The following NRG1 variants were observed in gnomAD, a reference collection of about 807,000 sequenced individuals.
NRG1 encodes pro-neuregulin-1, membrane-bound isoform.
Under a neutral mutation model 63.8 loss-of-function variants are expected in NRG1, and 18 were observed. The observed-to-expected ratio is 0.28, with a 90% CI of 0.19 to 0.42. NRG1 has a LOEUF of 0.42. Ranked by LOEUF, NRG1 falls within the 10% of genes least tolerant of loss-of-function variation. NRG1 has a pLI of 1.00. For synonymous variants in NRG1, 302 were observed against 301.3 expected, an observed-to-expected ratio of 1.00 and a Z score of -0.02; for missense variants, 762 against 814.7, an observed-to-expected ratio of 0.94 and a Z score of 0.79.
intron 1 of NRG1, chr8:32,139,318 G>C: frequency 6.6e-6 from 1 of 152,180 alleles, no homozygotes; most frequent in East Asian, 1.9e-4. Context: ...TGGGGGAGAA[G>C]ATCTGCTTAA....
chr8:32,284,977 C>G (rs571676215), intron 1 of NRG1, among the ~76,000 whole-genome samples: 1 of 152,140 alleles, frequency 6.6e-6, no homozygotes, highest in East Asian at 1.9e-4. Context: ...ATAACATTTT[C>G]CTTTGCACCT....
chr8:32,140,063 G>A (rs1461571487), intron 1 of NRG1, among the ~76,000 whole-genome samples: 1 of 152,102 alleles, frequency 6.6e-6, no homozygotes, highest in Non-Finnish European at 1.5e-5. Context: ...CTGATGAGAG[G>A]TGCCTTAGGG....
At chr8:31,662,975 G>A (rs1806152102) in intron 1 of NRG1, among the ~76,000 whole-genome samples, 1 of 152,150 alleles carries the variant, frequency 6.6e-6, no homozygotes, top group South Asian at 2.1e-4. Context: ...CTGTGGCCAA[G>A]CCCTGCCTGG....
chr8:32,573,346 C>T (rs1838993261), intron 1 of NRG1, among the ~76,000 whole-genome samples: 1 of 146,800 alleles, frequency 6.8e-6, no homozygotes, highest in Non-Finnish European at 1.5e-5. Flanking sequence ...AATTTATGAG[C>T]AAATGAATGC....
At chr8:32,663,806 A>G (rs952266797) in intron 5 of NRG1, among the ~76,000 whole-genome samples, 1 of 152,106 alleles carries the variant, frequency 6.6e-6, no homozygotes, top group African/African-American at 2.4e-5. Flanking sequence ...GCAAATACCA[A>G]GTACTCAGTT....
chr8:32,231,184 TA>T (rs898086861), intron 1 of NRG1, among the ~76,000 whole-genome samples: 14 of 152,068 alleles, frequency 9.2e-5, no homozygotes, highest in African/African-American at 3.1e-4. Flanking sequence ...GGAAATTGGT[TA>T]AAAAAAGGGT....
intron 1 of NRG1, among the ~76,000 whole-genome samples, chr8:32,365,645 A>G (rs1270412148): frequency 3.3e-5 from 5 of 152,152 alleles, no homozygotes; most frequent in African/African-American, 1.2e-4. Flanking sequence ...TTTAGACTTC[A>G]TGGATGATAC....
At chr8:32,375,248 G>A (rs1177622301) in intron 1 of NRG1, among the ~76,000 whole-genome samples, 1 of 151,912 alleles carries the variant, frequency 6.6e-6, no homozygotes, top group East Asian at 1.9e-4. Context: ...AAAGTGCTGG[G>A]ATTACAGGTG....
At chr8:32,675,328 A>T (rs1025072702) in intron 5 of NRG1, among the ~76,000 whole-genome samples, 2 of 152,222 alleles carry the variant, frequency 1.3e-5, no homozygotes, top group African/African-American at 4.8e-5. Flanking sequence ...TGCAAAAGAT[A>T]TTTTTAAAAT....
intron 1 of NRG1, among the ~76,000 whole-genome samples, chr8:32,245,265 C>A (rs142879560): frequency 3.2e-3 from 484 of 152,210 alleles, no homozygotes; most frequent in South Asian, 0.024. Flanking sequence ...TCTGGGCAAT[C>A]AGATGTTATT....
chr8:32,196,513 G>A (rs1842965469), intron 1 of NRG1, among the ~76,000 whole-genome samples: 1 of 152,154 alleles, frequency 6.6e-6, no homozygotes, highest in Admixed American at 6.5e-5. Context: ...AGACAAGACT[G>A]CCCAATTCAC....
chr8:32,252,015 T>C (rs2129470625), intron 1 of NRG1, among the ~76,000 whole-genome samples: 1 of 152,350 alleles, frequency 6.6e-6, no homozygotes, highest in Non-Finnish European at 1.5e-5. Context: ...AAGTATCTGC[T>C]CATGTCCTTT....
chr8:32,281,263 C>T (rs930741805), intron 1 of NRG1, among the ~76,000 whole-genome samples: 3 of 144,460 alleles, frequency 2.1e-5, no homozygotes, highest in Admixed American at 1.5e-4. Context: ...CTGCAACCTC[C>T]GCTCCTGAGT....
In NRG1 at chr8:31,691,546, G is replaced by GATTGTGCC. The variant is rs1258457412; in HGVS notation, c.37+52117_37+52124dup. ...GGAGGCGGAGCTTGCAGTGAGCCGA[G>GATTGTGCC]ATTGTGCCACTGCACTCCAGCCTGG... is the stretch of plus-strand genomic sequence containing the variant. On this transcript the variant is annotated intron_variant, in intron 1 of 10. Coordinates refer to the NRG1 transcript ENST00000519301. Among the ~76,000 whole-genome samples the GATTGTGCC allele has an allele frequency of 1.7e-3, 202 of 119,002 alleles. 1 individual carries two copies. The highest frequency in any genetic ancestry group is 6.1e-3 in the African/African-American group (192 of 31,398). 78.1% of individuals were successfully genotyped at this position (119,002 alleles called of 152,430 possible).
intron 1 of NRG1, among the ~76,000 whole-genome samples, chr8:31,813,516 C>CTTTTCTTTTCTTTTCTTTTTTTTTTTT: frequency 2.8e-4 from 28 of 101,214 alleles, no homozygotes; most frequent in East Asian, 7.2e-4. Context: ...CTTTTCTTTT[C>CTTTTCTTTTCTTTTCTTTTTTTTTTTT]TTTTTTTTTT....
chr8:32,200,012 C>G (rs1314835808), intron 1 of NRG1, among the ~76,000 whole-genome samples: 1 of 152,174 alleles, frequency 6.6e-6, no homozygotes, highest in Non-Finnish European at 1.5e-5. Context: ...CTCCTGACCT[C>G]AGATGATCTG....
intron 1 of NRG1, among the ~76,000 whole-genome samples, chr8:32,428,934 G>A (rs372236173): frequency 9.9e-5 from 15 of 152,106 alleles, no homozygotes; most frequent in East Asian, 5.8e-4. Flanking sequence ...TTTTGGGATA[G>A]GACCTAGTCA....
intron 1 of NRG1, among the ~76,000 whole-genome samples, chr8:31,890,805 T>C (rs1270964610): frequency 3.3e-5 from 5 of 152,202 alleles, no homozygotes; most frequent in Admixed American, 6.5e-5. Context: ...AGTGACCTAA[T>C]GTTCGGACAG....
chr8:32,720,234 G>A (rs946295719), intron 5 of NRG1, among the ~76,000 whole-genome samples: 7 of 152,062 alleles, frequency 4.6e-5, no homozygotes, highest in Non-Finnish European at 7.4e-5. Flanking sequence ...TGCTTGGTAC[G>A]AAAGATTTGA....
Sources: gnomAD v4.1 joint callset for allele counts (sites outside exome capture counted in the v4.1 genomes callset) on GRCh38, gnomAD v4.1.1 for gene constraint, MANE v1.5 for transcripts, NCBI Gene and HGNC (gene_info 2026-07-23, HGNC 2026-07-21) for gene names.